The following TTC3 variants were observed in gnomAD, a reference collection of about 807,000 sequenced individuals.
The protein encoded by TTC3 is E3 ubiquitin-protein ligase TTC3.
A neutral mutation model predicts 249.6 loss-of-function variants in TTC3; 180 were observed. That is an observed-to-expected ratio of 0.72 (90% CI 0.64 to 0.82). The LOEUF (loss-of-function observed/expected upper bound fraction) is 0.82, where lower values mean the gene tolerates loss of function less well. TTC3 is among the 40% of genes least tolerant of loss of function. The pLI is 0.00. For missense variants in TTC3, 2,061 were observed against 2,398.4 expected (o/e 0.86, Z 2.94); for synonymous variants, 717 against 805.0 (o/e 0.89, Z 1.85).
chr21:37,087,407 T>G lies in TTC3; in HGVS notation c.144+6T>G. On this transcript the variant is annotated splice_donor_region_variant and intron_variant, in intron 2 of 45. Coordinates refer to ENST00000355666, the Ensembl canonical transcript of TTC3. ...AGCTTTACTGTGATGGGGTGGTAAG[T>G]AGGTTTGCTAATTTTTCATTTTTGA... The G allele has an allele frequency of 6.2e-7, 1 of 1,613,120 alleles. No individual in the cohort carries two copies. Among genetic ancestry groups the G allele is most frequent in the Non-Finnish European group, 8.5e-7 (1 of 1,179,524 alleles).
At chr21:37,107,430 A>C (rs1167432527) in intron 10 of TTC3, among the ~76,000 whole-genome samples, 1 of 152,154 alleles carries the variant, frequency 6.6e-6, no homozygotes, top group East Asian at 1.9e-4. Flanking sequence ...GTTGGGCTAG[A>C]GGTGGAAGTC....
chr21:37,167,623 G>A lies in TTC3; in HGVS notation c.4467+3G>A. 6.2e-7 allele frequency: 1 copy of A among 1,606,474 alleles called. No individual in the cohort carries two copies. The highest frequency in any genetic ancestry group is 8.5e-7 in the Non-Finnish European group (1 of 1,174,730). ...ATAATCCTTTTGAGGAACGACAAGT[G>A]AGTCAAAATTACATTAAACTGTTTA... On this transcript the variant is annotated splice_donor_region_variant and intron_variant, in intron 34 of 45. Transcript: ENST00000355666.
At chr21:37,161,153 A>G (rs946784797) in intron 30 of TTC3, among the ~76,000 whole-genome samples, 7 of 152,222 alleles carry the variant, frequency 4.6e-5, no homozygotes, top group Non-Finnish European at 1.0e-4. Context: ...AGTCTCAAAA[A>G]ATAGATAACA....
intron 2 of TTC3, 71 bp from the exon 3 acceptor site, chr21:37,087,762 C>A: frequency 8.1e-7 from 1 of 1,234,738 alleles, no homozygotes; most frequent in Non-Finnish European, 1.2e-6. Context: ...TTGGTTAGTT[C>A]TGATAATCCT....
At chr21:37,074,134 A>G (rs926482306) in intron 1 of TTC3, among the ~76,000 whole-genome samples, 2 of 152,142 alleles carry the variant, frequency 1.3e-5, no homozygotes, top group Non-Finnish European at 2.9e-5. Flanking sequence ...AGTCCAGTCC[A>G]GGGCCTGTCC....
exon 11 of TTC3, chr21:37,108,434 C>T: frequency 6.2e-7 from 1 of 1,612,320 alleles, no homozygotes; most frequent in Non-Finnish European, 8.5e-7. Flanking sequence ...TTCTGAAGAA[C>T]ACTTGGCCAA....
chr21:37,197,508 T>C, intron 42 of TTC3, 62 bp from the exon 43 acceptor site: 1 of 1,595,736 alleles, frequency 6.3e-7, no homozygotes, highest in South Asian at 1.1e-5. Context: ...AATATTGGCA[T>C]GTAATATTTC....
chr21:37,178,234 C>T (rs775366012), intron 35 of TTC3, among the ~76,000 whole-genome samples: 1 of 152,280 alleles, frequency 6.6e-6, no homozygotes, highest in Middle Eastern at 3.4e-3. Context: ...TTGACATTTG[C>T]GTTCTTTCCA....
intron 1 of TTC3, chr21:37,082,013 C>T (rs1330742118): frequency 3.3e-5 from 5 of 151,844 alleles, no homozygotes; most frequent in East Asian, 1.9e-4. Flanking sequence ...TACAGGCGCC[C>T]GCCACCACGC....
rs199979708 is a variant in TTC3, at chr21:37,151,412, A to AT, written c.2277-472dup. 5.1e-3 allele frequency among the ~76,000 whole-genome samples: 765 copies of AT among 151,226 alleles called. 20 individuals carry two copies. In the East Asian group the frequency reaches 0.089, roughly 18 times the overall value. ...TTCTTGTTTTTCTTTCTAAGAAGTG[A>AT]TTTTTTTTTATCATTTGTGACCAAG... On this transcript the variant is annotated intron_variant, in intron 25 of 45. Coordinates refer to ENST00000355666, the Ensembl canonical transcript of TTC3.
chr21:37,156,750 G>A lies in TTC3; in HGVS notation c.2836G>A (p.Gly946Ser), dbSNP rs1320019629. 3.1e-6 allele frequency: 5 copies of A among 1,613,856 alleles called. No homozygotes were observed. The Admixed American group carries it at 8.3e-5, about 27-fold the overall frequency. Residue 946 changes from glycine to serine, a missense_variant, in exon 28 of 46, where the codon GGT (glycine) becomes AGT (serine). Gly to Ser is a moderately conservative substitution (Grantham distance 56). Transcript: ENST00000355666. ...GACTTTCCTCTGGAATGAGAAATATGGTCACAAACTAGACTCTATAGAAGG... is the reference window on the plus strand; with the variant it reads ...GACTTTCCTCTGGAATGAGAAATATAGTCACAAACTAGACTCTATAGAAGG...
chr21:37,116,908 A>G (rs1276574574), intron 11 of TTC3, among the ~76,000 whole-genome samples: 4 of 152,146 alleles, frequency 2.6e-5, no homozygotes, highest in African/African-American at 9.7e-5. Flanking sequence ...GGTTTTACGT[A>G]ATTTAAAAAA....
chr21:37,129,153 C>G (rs1404200322), intron 16 of TTC3, 90 bp downstream of exon 16: 11 of 768,520 alleles, frequency 1.4e-5, no homozygotes, highest in Non-Finnish European at 2.0e-5. Context: ...GTATTAGCTA[C>G]TTTAATGTAT....
chr21:37,119,007 C>G (rs1180225331), intron 11 of TTC3, among the ~76,000 whole-genome samples: 1 of 152,090 alleles, frequency 6.6e-6, no homozygotes, highest in Non-Finnish European at 1.5e-5. Context: ...GTCTACTAAT[C>G]TGTGTCATTT....
chr21:37,123,107 C>T lies in TTC3; in HGVS notation c.1109+79C>T, dbSNP rs550080474. ...GAATTTAAGAATCACTTATGTTTGA[C>T]GCTTTAGGAGCTAATAGCAACCACA... On this transcript the variant is annotated intron_variant, in intron 13 of 45. Transcript: ENST00000355666. 2.3e-5 allele frequency: 34 copies of T among 1,466,940 alleles called. No individual in the cohort carries two copies. In the East Asian group the frequency reaches 2.5e-4, roughly 11 times the overall value. 90.9% of individuals were successfully genotyped at this position (1,466,940 alleles called of 1,614,324 possible). A position where few individuals can be genotyped will look rare whatever the true frequency, so the allele number is the denominator to read the frequency against.
intron 20 of TTC3, among the ~76,000 whole-genome samples, chr21:37,143,081 G>A (rs889601130): frequency 2.9e-4 from 44 of 152,240 alleles, no homozygotes; most frequent in Non-Finnish European, 4.1e-4. Context: ...CTTGCACCTT[G>A]TACAAAAATT....
chr21:37,144,624 G>A (rs2078820616), exon 21 of TTC3: 8 of 1,609,128 alleles, frequency 5.0e-6, no homozygotes, highest in African/African-American at 1.3e-5. Context: ...TTATTGAAGA[G>A]TCTCAGCCAC....
Position 37,152,044 on chromosome 21 carries a change from A to C in TTC3, c.2413+15A>C, listed in dbSNP as rs770597270. The C allele has an allele frequency of 3.9e-6, 6 of 1,556,286 alleles. No individual in the cohort carries two copies. In the African/African-American group the frequency reaches 8.3e-5, roughly 22 times the overall value. Reference sequence around the variant, plus strand: ...AGAGCAGAAAGGTATGCAGAAGCCAAAGGCATGATAAGAATAATATACTCT... The same window carrying C: ...AGAGCAGAAAGGTATGCAGAAGCCACAGGCATGATAAGAATAATATACTCT... On this transcript the variant is annotated intron_variant, in intron 26 of 45. Coordinates refer to ENST00000355666, the Ensembl canonical transcript of TTC3.
At chr21:37,131,929 T>A (rs2077504271) in intron 16 of TTC3, among the ~76,000 whole-genome samples, 2 of 152,172 alleles carry the variant, frequency 1.3e-5, no homozygotes, top group Non-Finnish European at 2.9e-5. Context: ...CTGAAATGCT[T>A]GTATCTTATT....
Sources: allele counts gnomAD v4.1 joint callset (sites outside exome capture counted in the v4.1 genomes callset), GRCh38; gene constraint gnomAD v4.1.1; transcripts MANE v1.5; gene names NCBI Gene and HGNC (gene_info 2026-07-23, HGNC 2026-07-21).